The following ZNF385B variants were observed in gnomAD, a reference collection of about 807,000 sequenced individuals.
ZNF385B encodes the protein zinc finger protein 533.
In ZNF385B, 23 loss-of-function variants were observed where a neutral mutation model predicts 39.2. The ratio of observed to expected loss-of-function variants is 0.59; its 90% CI spans 0.42 to 0.83. The LOEUF (loss-of-function observed/expected upper bound fraction) is 0.83, where lower values mean the gene tolerates loss of function less well. ZNF385B is among the 40% of genes least tolerant of loss of function. ZNF385B has a pLI of 0.00. For synonymous variants in ZNF385B, 205 were observed against 222.6 expected, an observed-to-expected ratio of 0.92 and a Z score of 0.70; for missense variants, 552 against 598.9, an observed-to-expected ratio of 0.92 and a Z score of 0.82.
intron 3 of ZNF385B, among the ~76,000 whole-genome samples, chr2:179,754,194 G>T (rs948408987): frequency 1.3e-5 from 2 of 152,180 alleles, no homozygotes; most frequent in African/African-American, 4.8e-5. Flanking sequence ...GGATAATCAT[G>T]TGGTTTTTGT....
At chr2:179,457,018 C>T (rs994325067) in intron 6 of ZNF385B, among the ~76,000 whole-genome samples, 1 of 152,030 alleles carries the variant, frequency 6.6e-6, no homozygotes, top group African/African-American at 2.4e-5. Context: ...AGTGTTTTCA[C>T]CACCCTAGAA....
intron 4 of ZNF385B, among the ~76,000 whole-genome samples, chr2:179,530,400 T>C (rs1005314696): frequency 6.6e-6 from 1 of 152,146 alleles, no homozygotes; most frequent in Non-Finnish European, 1.5e-5. Context: ...AGGATACAAT[T>C]GCTTGTTTTT....
chr2:179,631,945 G>C (rs1691262773), intron 3 of ZNF385B, among the ~76,000 whole-genome samples: 1 of 152,014 alleles, frequency 6.6e-6, no homozygotes, highest in African/African-American at 2.4e-5. Context: ...AAGAGACAAA[G>C]AAGGCCAACA....
chr2:179,694,486 T>C lies in ZNF385B; in HGVS notation c.298+75017A>G, dbSNP rs538454760. Among the ~76,000 whole-genome samples, 3 of 152,318 alleles carry C rather than the reference T, an allele frequency of 2.0e-5. No homozygotes were observed. In the East Asian group the frequency reaches 5.8e-4, roughly 29 times the overall value. On this transcript the variant is annotated intron_variant, in intron 3 of 9. Coordinates refer to ENST00000410066, the MANE Select transcript of ZNF385B (RefSeq NM_152520.6). ...CTTAAGAGAAAATACAAAATTGCCT[T>C]TAAACTGACATTTTAAAGTTAATAG...
chr2:179,819,444 C>T (rs553318489), intron 1 of ZNF385B, among the ~76,000 whole-genome samples: 1 of 152,272 alleles, frequency 6.6e-6, no homozygotes, highest in Admixed American at 6.5e-5. Context: ...TCCTGGGATG[C>T]CCCACAGGAT....
chr2:179,754,672 G>A (rs1392946689), intron 3 of ZNF385B, among the ~76,000 whole-genome samples: 1 of 152,130 alleles, frequency 6.6e-6, no homozygotes, highest in African/African-American at 2.4e-5. Flanking sequence ...GGGTGTATGT[G>A]TCCAGGAATT....
chr2:179,664,831 G>A (rs1391814878), intron 3 of ZNF385B, among the ~76,000 whole-genome samples: 1 of 151,984 alleles, frequency 6.6e-6, no homozygotes, highest in Non-Finnish European at 1.5e-5. Flanking sequence ...ATATTTGGAA[G>A]GAAGTACTCC....
At position 179,576,815 on chromosome 2, in the gene ZNF385B, C is replaced by T. The variant is rs978278100; in HGVS notation, c.299-31846G>A. Among the ~76,000 whole-genome samples, 3 of 152,268 alleles carry T rather than the reference C, an allele frequency of 2.0e-5. No homozygotes were observed. The East Asian group carries it at 5.8e-4, about 29-fold the overall frequency. On this transcript the variant is annotated intron_variant, in intron 3 of 9. Coordinates refer to ENST00000410066, the MANE Select transcript of ZNF385B (RefSeq NM_152520.6). ...AGCTGTTTGGATCTCAGCTCTAAGC[C>T]ATATCCACATGGGCTTATAAAATTC...
At chr2:179,634,265 C>A (rs1034393328) in intron 3 of ZNF385B, among the ~76,000 whole-genome samples, 2 of 152,076 alleles carry the variant, frequency 1.3e-5, no homozygotes, top group East Asian at 1.9e-4. Flanking sequence ...AGTGATCAGG[C>A]AACCTACAGA....
intron 3 of ZNF385B, among the ~76,000 whole-genome samples, chr2:179,552,487 A>G (rs2060639154): frequency 6.7e-6 from 1 of 149,488 alleles, no homozygotes; most frequent in South Asian, 2.1e-4. Flanking sequence ...AGGCAACATC[A>G]ATTATAGAAC....
At chr2:179,607,839 A>G (rs1688942940) in intron 3 of ZNF385B, among the ~76,000 whole-genome samples, 1 of 151,936 alleles carries the variant, frequency 6.6e-6, no homozygotes, top group Non-Finnish European at 1.5e-5. Flanking sequence ...ATTTACTTAT[A>G]CAAACTTATC....
At chr2:179,454,117 A>T (rs1028716586) in intron 6 of ZNF385B, among the ~76,000 whole-genome samples, 2 of 152,206 alleles carry the variant, frequency 1.3e-5, no homozygotes, top group Admixed American at 1.3e-4. Context: ...TTCAAATAAG[A>T]CCAGACTTTC....
intron 1 of ZNF385B, among the ~76,000 whole-genome samples, chr2:179,858,751 A>G (rs1328542688): frequency 6.6e-6 from 1 of 152,192 alleles, no homozygotes; most frequent in Non-Finnish European, 1.5e-5. Context: ...CCTGTTCTTT[A>G]GATCTTTGAA....
At position 179,769,740 on chromosome 2, in the gene ZNF385B, A is replaced by AATTTGCCATATTCATG; in HGVS notation, c.45_60dup (p.Phe21HisfsTer11). The AATTTGCCATATTCATG allele has an allele frequency of 6.2e-7, 1 of 1,614,042 alleles. No individual in the cohort carries two copies. Among genetic ancestry groups the AATTTGCCATATTCATG allele is most frequent in the South Asian group, 1.1e-5 (1 of 91,076 alleles). On this transcript the variant is annotated frameshift_variant, in exon 3 of 10. Coordinates refer to ENST00000410066, the MANE Select transcript of ZNF385B (RefSeq NM_152520.6). LOFTEE classifies it high-confidence loss of function. Reference sequence around the variant, plus strand: ...CCCTTTTCTTCAAAGCCCCGTAGAAAATTTGCCATATTCATGATTCCATCT... The same window carrying AATTTGCCATATTCATG: ...CCCTTTTCTTCAAAGCCCCGTAGAAAATTTGCCATATTCATGATTTGCCATATTCATGATTCCATCT...
chr2:179,540,089 A>T (rs543649086), intron 4 of ZNF385B, among the ~76,000 whole-genome samples: 19 of 152,220 alleles, frequency 1.2e-4, no homozygotes, highest in Non-Finnish European at 2.8e-4. Flanking sequence ...CACCAGCCAA[A>T]CAGAGAGAGC....
chr2:179,576,364 A>C (rs1685815614), intron 3 of ZNF385B: 1 of 174,732 alleles, frequency 5.7e-6, no homozygotes, highest in Non-Finnish European at 1.1e-5. Context: ...AGGGCCTATG[A>C]GCCACATCTA....
At chr2:179,484,375 A>G (rs866710349) in intron 5 of ZNF385B, among the ~76,000 whole-genome samples, 7 of 152,242 alleles carry the variant, frequency 4.6e-5, no homozygotes, top group Admixed American at 6.5e-5. Flanking sequence ...GTGAAAAGAA[A>G]CAAAACTAAA....
chr2:179,635,681 A>G (rs1197136951), intron 3 of ZNF385B, among the ~76,000 whole-genome samples: 1 of 152,154 alleles, frequency 6.6e-6, no homozygotes, highest in African/African-American at 2.4e-5. Context: ...TATGAAAAAT[A>G]TTTTTATAAA....
intron 3 of ZNF385B, among the ~76,000 whole-genome samples, chr2:179,613,848 A>C (rs1489367369): frequency 6.6e-6 from 1 of 152,020 alleles, no homozygotes; most frequent in Admixed American, 6.5e-5. Context: ...ACCCCAGAAC[A>C]CTTTATTCTG....
Sources: gnomAD v4.1 joint callset for allele counts (sites outside exome capture counted in the v4.1 genomes callset) on GRCh38, gnomAD v4.1.1 for gene constraint, MANE v1.5 for transcripts, NCBI Gene and HGNC (gene_info 2026-07-23, HGNC 2026-07-21) for gene names.